The following ZPLD1 variants were observed in gnomAD, a reference collection of about 807,000 sequenced individuals.
ZPLD1 encodes zona pellucida like domain containing 1.
In ZPLD1, 34 loss-of-function variants were observed where a neutral mutation model predicts 47.2. The observed-to-expected ratio is 0.72, with a 90% CI of 0.55 to 0.96. ZPLD1 has a LOEUF of 0.96. ZPLD1 is among the 40% of genes least tolerant of loss of function. The pLI, the probability that ZPLD1 is intolerant of heterozygous loss-of-function variation, is 0.00. For synonymous variants in ZPLD1, 176 were observed against 186.2 expected (o/e 0.95, Z 0.45); for missense variants, 512 against 505.8 (o/e 1.01, Z -0.12).
At chr3:102,392,188 T>C (rs1226444141) in exon 7 of ZPLD1, 5 of 152,180 alleles carry the variant, frequency 3.3e-5, no homozygotes, top group East Asian at 1.9e-4. Flanking sequence ...TATAAACCGA[T>C]GCAACTGGTT....
In ZPLD1 at chr3:102,477,675, GCAGT is replaced by G; in HGVS notation, c.*62_*65del. Reference sequence around the variant, plus strand: ...TTCACTGACTAAACTATGTGTGACTGCAGTCAGTGTTCCGTCTGAATTTCATGTC... The same window carrying G: ...TTCACTGACTAAACTATGTGTGACTGCAGTGTTCCGTCTGAATTTCATGTC... On this transcript the variant is annotated 3_prime_UTR_variant, in exon 12 of 12. Coordinates refer to ENST00000466937, the MANE Select transcript of ZPLD1 (RefSeq NM_001329788.2). 5.5e-6 allele frequency: 8 copies of G among 1,452,128 alleles called. No individual in the cohort carries two copies. The South Asian group carries it at 1.1e-4, about 20-fold the overall frequency. 90.0% of individuals were successfully genotyped at this position (1,452,128 alleles called of 1,614,324 possible). A position where few individuals can be genotyped will look rare whatever the true frequency, so the allele number is the denominator to read the frequency against.
upstream of ZPLD1, among the ~76,000 whole-genome samples, chr3:102,431,214 G>A (rs1238605190): frequency 1.3e-5 from 2 of 152,208 alleles, no homozygotes; most frequent in Non-Finnish European, 2.9e-5. Flanking sequence ...CACTCACTTT[G>A]TGTCAGAGAA....
intron 6 of ZPLD1, among the ~76,000 whole-genome samples, chr3:102,458,795 AAG>A (rs1161851079): frequency 6.6e-6 from 1 of 152,212 alleles, no homozygotes; most frequent in African/African-American, 2.4e-5. Context: ...TTCTTCTGCA[AAG>A]AGAAGCTGTC....
chr3:102,452,824 C>A (rs987126344), intron 3 of ZPLD1, 95 bp from the exon 4 acceptor site: 4 of 1,368,940 alleles, frequency 2.9e-6, no homozygotes, highest in Non-Finnish European at 3.0e-6. Flanking sequence ...GTTAAACAGA[C>A]AAAGGAGATG....
chr3:102,405,793 T>A (rs1362009178), intron 7 of ZPLD1, among the ~76,000 whole-genome samples: 1 of 151,996 alleles, frequency 6.6e-6, no homozygotes, highest in Non-Finnish European at 1.5e-5. Flanking sequence ...AAAAGAGGCC[T>A]GGATTGGGGG....
intron 8 of ZPLD1, among the ~76,000 whole-genome samples, chr3:102,424,965 G>T (rs190381746): frequency 1.2e-3 from 185 of 151,642 alleles, no homozygotes; most frequent in African/African-American, 4.0e-3. Flanking sequence ...ACTCTCCAAG[G>T]CTGTGTAGGT....
Position 102,462,370 on chromosome 3 carries a change from G to T in ZPLD1, c.672G>T (p.Leu224Phe). The T allele has an allele frequency of 6.2e-7, 1 of 1,605,818 alleles. No homozygotes were observed. The highest frequency in any genetic ancestry group is 8.5e-7 in the Non-Finnish European group (1 of 1,175,800). ...TTGCAGCTGTCCAAGCCACTAATTT[G>T]GATGGCAGGTAATTTCAAACTCTTG... ...KVFAAVQATN[L>F]DGRWNVLMDY... The change falls in exon 7 of 12, where the codon TTG (leucine) becomes TTT (phenylalanine). Residue 224 changes from leucine (L) to phenylalanine (F), a missense_variant. By Grantham distance (22) the Leu-to-Phe change is conservative (BLOSUM62 0). Coordinates refer to ENST00000466937, the MANE Select transcript of ZPLD1 (RefSeq NM_001329788.2).
chr3:102,462,288 C>T lies in ZPLD1; in HGVS notation c.590C>T (p.Thr197Ile). 3 of 1,605,910 alleles carry T rather than the reference C, an allele frequency of 1.9e-6. No homozygotes were observed. The highest frequency in any genetic ancestry group is 2.6e-6 in the Non-Finnish European group (3 of 1,174,958). The change falls in exon 7 of 12, where the codon ACC becomes ATC. Residue 197 changes from threonine to isoleucine, a missense_variant. By Grantham distance (89) the Thr-to-Ile change is moderately conservative. Transcript: ENST00000466937. Reference sequence around the variant, plus strand: ...TTATTGTTTCATCATTAGGATTCAACCTACAACCAGCAGTTAATTATCCCC... The same window carrying T: ...TTATTGTTTCATCATTAGGATTCAATCTACAACCAGCAGTTAATTATCCCC... ...TLNLLLYNDS[T>I]YNQQLIIPSI... is the part of the protein sequence containing the mutation.
At position 102,450,784 on chromosome 3, in the gene ZPLD1, A is replaced by T. The variant is rs114651874; in HGVS notation, c.107-2135A>T. On this transcript the variant is annotated intron_variant, in intron 3 of 11. Transcript: ENST00000466937. ...TCATGAGCAAAGGAATAGCATGTAGATAGAGAAAAATCAGTAGATTTAAGA... is the reference window on the plus strand; with the variant it reads ...TCATGAGCAAAGGAATAGCATGTAGTTAGAGAAAAATCAGTAGATTTAAGA... 7.0e-3 allele frequency among the ~76,000 whole-genome samples: 1,060 copies of T among 152,328 alleles called. 17 individuals carry two copies. Among genetic ancestry groups the T allele is most frequent in the Non-Finnish European group, 8.5e-3 (581 of 68,032 alleles).
chr3:102,432,856 C>T (rs1485699882), upstream of ZPLD1, among the ~76,000 whole-genome samples: 1 of 152,134 alleles, frequency 6.6e-6, no homozygotes, highest in Non-Finnish European at 1.5e-5. Flanking sequence ...TGTTCATAAT[C>T]AATGTTCCCC....
chr3:102,449,197 C>A (rs1049949628), intron 3 of ZPLD1, among the ~76,000 whole-genome samples: 1 of 152,180 alleles, frequency 6.6e-6, no homozygotes, highest in Non-Finnish European at 1.5e-5. Context: ...CTCTATCTAG[C>A]TAACTCCTAC....
At chr3:102,452,113 CCGTGTG>C (rs1334309319) in intron 3 of ZPLD1, among the ~76,000 whole-genome samples, 3 of 94,852 alleles carry the variant, frequency 3.2e-5, no homozygotes, top group African/African-American at 4.8e-5. Flanking sequence ...GATATGAAGA[CCGTGTG>C]TGTGTGTGTG....
chr3:102,457,820 A>C lies in ZPLD1; in HGVS notation c.549A>C (p.Thr183=). ...AAISVRENNG[T]FVSTLNLLLY... ...TTTCTGTGAGAGAGAACAATGGCAC[A>C]TTTGTCAGCACTTTGAACCTGCTCC... The change falls in exon 6 of 12, where the codon ACA becomes ACC. Residue 183 remains threonine, a synonymous_variant. Transcript: ENST00000466937. The C allele has an allele frequency of 6.2e-7, 1 of 1,613,964 alleles. No homozygotes were observed. Among genetic ancestry groups the C allele is most frequent in the Non-Finnish European group, 8.5e-7 (1 of 1,179,944 alleles).
chr3:102,394,002 TAAA>T (rs991724914), intron 7 of ZPLD1, among the ~76,000 whole-genome samples: 5 of 152,262 alleles, frequency 3.3e-5, no homozygotes, highest in Non-Finnish European at 5.9e-5. Flanking sequence ...TGTAATGACA[TAAA>T]GAAGCAAAAC....
intron 6 of ZPLD1, among the ~76,000 whole-genome samples, chr3:102,386,778 A>G (rs1706429235): frequency 2.6e-5 from 4 of 152,128 alleles, no homozygotes; most frequent in Admixed American, 2.6e-4. Flanking sequence ...ACTCAAACAT[A>G]TTTTTAGTTA....
At chr3:102,466,111 G>A (rs776487886) in intron 8 of ZPLD1, among the ~76,000 whole-genome samples, 1 of 152,194 alleles carries the variant, frequency 6.6e-6, no homozygotes, top group Non-Finnish European at 1.5e-5. Flanking sequence ...GGAATCGCCT[G>A]GGAAGGCAGG....
At chr3:102,449,782 CTA>C (rs1319136594) in intron 3 of ZPLD1, among the ~76,000 whole-genome samples, 1 of 152,134 alleles carries the variant, frequency 6.6e-6, no homozygotes, top group Non-Finnish European at 1.5e-5. Flanking sequence ...AAAGAACATA[CTA>C]TATATGTTTC....
intron 8 of ZPLD1, among the ~76,000 whole-genome samples, chr3:102,426,656 A>C (rs979253155): frequency 1.3e-5 from 2 of 152,190 alleles, no homozygotes; most frequent in Non-Finnish European, 2.9e-5. Flanking sequence ...AGAAGCAATT[A>C]ATATGGTGCT....
chr3:102,472,669 G>C (rs1427104277), intron 10 of ZPLD1, among the ~76,000 whole-genome samples: 2 of 152,076 alleles, frequency 1.3e-5, no homozygotes, highest in Non-Finnish European at 2.9e-5. Context: ...GATTGCTTTT[G>C]GGTAGGCACA....
Sources: gnomAD v4.1 joint callset for allele counts (sites outside exome capture counted in the v4.1 genomes callset) on GRCh38, gnomAD v4.1.1 for gene constraint, MANE v1.5 for transcripts, NCBI Gene and HGNC (gene_info 2026-07-23, HGNC 2026-07-21) for gene names.